GGT1: variants seen among roughly 807,000 people sequenced by gnomAD.
The protein encoded by GGT1 is gamma-glutamyltransferase 1, also known as glutathione hydrolase 1 proenzyme.
In GGT1, 21 loss-of-function variants were observed where a neutral mutation model predicts 56.0. The observed-to-expected ratio is 0.38, with a 90% CI of 0.27 to 0.54. The LOEUF is 0.54. GGT1 is among the 20% of genes least tolerant of loss of function. The pLI is 0.82. For synonymous variants in GGT1, 238 were observed against 342.6 expected, an observed-to-expected ratio of 0.69 and a Z score of 3.37; for missense variants, 466 against 787.0, an observed-to-expected ratio of 0.59 and a Z score of 4.88.
rs4049910 is a variant in GGT1 at position 24,610,320 on chromosome 22, G to A, written c.-219G>A. ...ACACGGAGTCCCCCAGAAAGGTCTG[G>A]GCTGCGCGTGCTTCAGGTAACCTCC... is the stretch of plus-strand genomic sequence containing the variant. On this transcript the variant is annotated 5_prime_UTR_variant, in exon 4 of 16. Coordinates refer to ENST00000400382, the MANE Select transcript of GGT1 (RefSeq NM_001288833.2). 227 of 272,502 alleles carry A rather than the reference G, an allele frequency of 8.3e-4. No individual in the cohort carries two copies. The highest frequency in any genetic ancestry group is 1.2e-3 in the East Asian group (11 of 9,422). 16.9% of individuals were successfully genotyped at this position (272,502 alleles called of 1,614,324 possible).
chr22:24,584,813 G>C, the GGT1 span, among the ~76,000 whole-genome samples: 3 of 151,628 alleles, frequency 2.0e-5, no homozygotes, highest in Non-Finnish European at 4.4e-5. Flanking sequence ...TTCCTTTCCC[G>C]CCTGCCCTGC....
chr22:24,608,597 T>C (rs1157847832), intron 2 of GGT1, among the ~76,000 whole-genome samples: 2 of 152,012 alleles, frequency 1.3e-5, no homozygotes, highest in Admixed American at 6.6e-5. Context: ...TAGGACGGGG[T>C]CACTGACCAG....
At chr22:24,618,726 C>T (rs943408317) in intron 7 of GGT1, among the ~76,000 whole-genome samples, 3 of 152,246 alleles carry the variant, frequency 2.0e-5, no homozygotes, top group African/African-American at 4.8e-5. Flanking sequence ...ACCACCAGCT[C>T]TTGGAAACTT....
Position 24,622,024 on chromosome 22 carries a change from AGT to A in GGT1, c.733+956_733+957del, listed in dbSNP as rs372039239. 6.6e-4 allele frequency among the ~76,000 whole-genome samples: 97 copies of A among 145,994 alleles called. 1 individual carries two copies. The South Asian group carries it at 0.021, about 31-fold the overall frequency. On this transcript the variant is annotated intron_variant, in intron 9 of 15. Coordinates refer to ENST00000400382, the MANE Select transcript of GGT1 (RefSeq NM_001288833.2). Reference sequence around the variant, plus strand: ...GAGATTGCACCACTGCACTCCACAGAGTGAGATTCCATCTCAAAAAAAAAAAA... The same window carrying A: ...GAGATTGCACCACTGCACTCCACAGAGAGATTCCATCTCAAAAAAAAAAAA...
intron 7 of GGT1, chr22:24,615,881 A>C (rs1048357645): frequency 2.6e-5 from 4 of 152,250 alleles, no homozygotes; most frequent in African/African-American, 9.7e-5. Flanking sequence ...AGGCCAAGTC[A>C]GGAGGAGCGC....
At position 24,613,728 on chromosome 22, in the gene GGT1, C is replaced by A. The variant is rs199764377; in HGVS notation, c.165-1048C>A. Among the ~76,000 whole-genome samples the A allele has an allele frequency of 4.2e-5, 6 of 141,252 alleles. No individual in the cohort carries two copies. The East Asian group carries it at 1.1e-3, about 25-fold the overall frequency. 92.7% of individuals were successfully genotyped at this position (141,252 alleles called of 152,430 possible). A position where few individuals can be genotyped will look rare whatever the true frequency, so the allele number is the denominator to read the frequency against. ...TCATGCCACTGCACTCCAGCCTGGG[C>A]AACTGAGTGAAACTCCCTCTCAGAA... On this transcript the variant is annotated intron_variant, in intron 5 of 15. Coordinates refer to ENST00000400382, the MANE Select transcript of GGT1 (RefSeq NM_001288833.2).
intron 5 of GGT1, among the ~76,000 whole-genome samples, chr22:24,611,773 T>TTGTGTGTGTGTG (rs57600451): frequency 6.9e-5 from 9 of 130,910 alleles, no homozygotes; most frequent in African/African-American, 8.3e-5. Context: ...CCCAACAAAT[T>TTGTGTGTGTGTG]TGTGTGTGTG....
chr22:24,586,195 G>A, the GGT1 span: 3 of 1,613,872 alleles, frequency 1.9e-6, no homozygotes, highest in Non-Finnish European at 2.5e-6. Context: ...CGTTGAGCAG[G>A]AGCTGGGTGA....
chr22:24,618,318 C>T (rs151307745), intron 7 of GGT1, among the ~76,000 whole-genome samples: 38 of 152,290 alleles, frequency 2.5e-4, no homozygotes, highest in African/African-American at 8.4e-4. Flanking sequence ...TGGCTGGGCA[C>T]GGTGGCTCAC....
upstream of GGT1, chr22:24,589,926 G>A (rs1158486378): frequency 6.2e-7 from 1 of 1,608,750 alleles, no homozygotes; most frequent in South Asian, 1.1e-5. Flanking sequence ...TATCAGGAAG[G>A]AGGGTCCTCT....
In GGT1 at chr22:24,627,858, C is replaced by T. The variant is rs373972798; in HGVS notation, c.1215C>T (p.Gly405=). 2.4e-4 allele frequency: 393 copies of T among 1,613,130 alleles called. No homozygotes were observed. The highest frequency in any genetic ancestry group is 3.1e-4 in the Non-Finnish European group (368 of 1,179,438). ...TGACCTGGCTGGGCGGTAGCTTTGG[C>T]TCCAAGGTCCGCTCCCCGGTCAGCG... is the stretch of plus-strand genomic sequence containing the variant. The part of the protein sequence containing the change: ...SATSTINLYF[G]SKVRSPVSGI... The change falls in exon 13 of 16, where the codon GGC becomes GGT. Residue 405 remains glycine, a synonymous_variant. Coordinates refer to ENST00000400382, the MANE Select transcript of GGT1 (RefSeq NM_001288833.2).
the GGT1 span, chr22:24,583,758 T>C: frequency 2.1e-6 from 1 of 471,076 alleles, no homozygotes; most frequent in Non-Finnish European, 4.4e-6. Flanking sequence ...CCGCCTGGAT[T>C]CTCCCAGAGA....
In GGT1 at chr22:24,621,006, G is replaced by C; in HGVS notation, c.669G>C (p.Glu223Asp). The change falls in exon 9 of 16, where the codon GAG becomes GAC. Residue 223 changes from glutamate to aspartate, a missense_variant. Physicochemically the swap from Glu to Asp is conservative, Grantham distance 45. Coordinates refer to ENST00000400382, the MANE Select transcript of GGT1 (RefSeq NM_001288833.2). ...LADTYETLAI[E>D]GAQAFYNGSL... Reference sequence around the variant, plus strand: ...ACACCTACGAGACGCTGGCCATCGAGGGTGCCCAGGCCTTCTACAACGGCA... The same window carrying C: ...ACACCTACGAGACGCTGGCCATCGACGGTGCCCAGGCCTTCTACAACGGCA... 1 of 1,610,912 alleles carries C rather than the reference G, an allele frequency of 6.2e-7. No individual in the cohort carries two copies. Among genetic ancestry groups the C allele is most frequent in the South Asian group, 1.1e-5 (1 of 90,764 alleles).
At chr22:24,626,017 G>A (rs1440853825) in intron 11 of GGT1, among the ~76,000 whole-genome samples, 1 of 133,464 alleles carries the variant, frequency 7.5e-6, no homozygotes, top group Non-Finnish European at 1.5e-5. Flanking sequence ...GTCTCGCTCT[G>A]TCCCCCAGGC....
At chr22:24,610,942 C>T (rs546379553) in intron 4 of GGT1, 133 bp from the exon 5 acceptor site, 123 of 728,650 alleles carry the variant, frequency 1.7e-4, no homozygotes, top group African/African-American at 4.8e-4. Context: ...ACAGCCTGCA[C>T]GTATTCTGGG....
upstream of GGT1, chr22:24,592,732 G>T (rs1197109306): frequency 4.6e-6 from 6 of 1,295,282 alleles, no homozygotes; most frequent in South Asian, 1.6e-5. Flanking sequence ...GCCTGCGCGC[G>T]CCAGAGACCA....
intron 1 of GGT1, among the ~76,000 whole-genome samples, chr22:24,603,952 G>GAT (rs140205366): frequency 0.024 from 3,715 of 152,032 alleles, 140 homozygotes; most frequent in African/African-American, 0.084. Flanking sequence ...TATATATAGG[G>GAT]ATATATATAG....
the GGT1 span, chr22:24,585,761 A>C: frequency 9.6e-7 from 1 of 1,042,788 alleles, no homozygotes; most frequent in Non-Finnish European, 1.4e-6. Context: ...CTGTCCCCTT[A>C]ATCTCAGGCT....
intron 9 of GGT1, among the ~76,000 whole-genome samples, chr22:24,622,702 A>G (rs1243877458): frequency 6.6e-6 from 1 of 152,068 alleles, no homozygotes; most frequent in Non-Finnish European, 1.5e-5. Flanking sequence ...TGATTAAGCC[A>G]CTGCACTCCA....
Sources: gnomAD v4.1 joint callset for allele counts (sites outside exome capture counted in the v4.1 genomes callset) on GRCh38, gnomAD v4.1.1 for gene constraint, MANE v1.5 for transcripts, NCBI Gene and HGNC (gene_info 2026-07-23, HGNC 2026-07-21) for gene names.